Variants in SMCO4 observed in about 807,000 individuals in gnomAD.
The protein encoded by SMCO4 is single-pass membrane protein with coiled-coil domains 4.
In SMCO4, 4 loss-of-function variants were observed where a neutral mutation model predicts 3.6. The ratio of observed to expected loss-of-function variants is 1.11; its 90% CI spans 0.54 to 2.53. The LOEUF is 2.53. Among genes scored for constraint, SMCO4 ranks in the 30% most tolerant of loss-of-function variants. The probability of loss-of-function intolerance (pLI) is 0.02; values close to 1 mark genes in which losing one functional copy is unlikely to be tolerated. For synonymous variants in SMCO4, 36 were observed against 35.3 expected, an observed-to-expected ratio of 1.02 and a Z score of -0.07; for missense variants, 70 against 80.8, an observed-to-expected ratio of 0.87 and a Z score of 0.51.
intron 1 of SMCO4, among the ~76,000 whole-genome samples, chr11:93,520,328 A>G (rs12790221): frequency 0.12 from 18,178 of 152,216 alleles, 1,407 homozygotes; most frequent in Non-Finnish European, 0.17. Context: ...ACTCTTATTC[A>G]CTGAAGAGTT....
Position 93,479,113 on chromosome 11 carries a change from G to T in SMCO4, c.77C>A (p.Ala26Asp). 1 of 1,614,080 alleles carries T rather than the reference G, an allele frequency of 6.2e-7. No homozygotes were observed. The highest frequency in any genetic ancestry group is 8.5e-7 in the Non-Finnish European group (1 of 1,180,048). ...CACCACTGTAGTGATCTGCTGCCGGGCCTCCTGCATGGCTTGCTTCCGCTC... is the reference window on the plus strand; with the variant it reads ...CACCACTGTAGTGATCTGCTGCCGGTCCTCCTGCATGGCTTGCTTCCGCTC... ...KKERKQAMQE[A>D]RQQITTVVLP... Residue 26 changes from alanine (A) to aspartate (D), a missense_variant, in exon 3 of 3, where the codon GCC (alanine) becomes GAC (aspartate). Ala to Asp is a moderately radical substitution (Grantham distance 126). Transcript: ENST00000298966.
At chr11:93,488,417 AG>A (rs1338796657) in intron 2 of SMCO4, among the ~76,000 whole-genome samples, 1 of 152,250 alleles carries the variant, frequency 6.6e-6, no homozygotes, top group Non-Finnish European at 1.5e-5. Flanking sequence ...CAAGGAAATC[AG>A]TGAAGATGCT....
intron 1 of SMCO4, among the ~76,000 whole-genome samples, chr11:93,533,486 G>C (rs1472833298): frequency 6.6e-6 from 1 of 152,172 alleles, no homozygotes; most frequent in Non-Finnish European, 1.5e-5. Context: ...ACAGAGAGCT[G>C]GGCCTACTTG....
In SMCO4 at chr11:93,505,708, T is replaced by A. The variant is rs530647295; in HGVS notation, c.-153-6360A>T. Among the ~76,000 whole-genome samples the A allele has an allele frequency of 5.9e-5, 9 of 152,314 alleles. No homozygotes were observed. In the South Asian group the frequency reaches 1.9e-3, roughly 32 times the overall value. On this transcript the variant is annotated intron_variant, in intron 1 of 2. Transcript: ENST00000298966. Reference sequence around the variant, plus strand: ...TGAAAATCCTTCAATCAAAAATGTATTTGAGCATTCCCAAATCTAGCTGAC... The same window carrying A: ...TGAAAATCCTTCAATCAAAAATGTAATTGAGCATTCCCAAATCTAGCTGAC...
At chr11:93,535,950 A>T in intron 1 of SMCO4, 1 of 1,462,576 alleles carries the variant, frequency 6.8e-7, no homozygotes, top group East Asian at 2.3e-5. Context: ...TTTTGGAAAG[A>T]ATAGTTGCAG....
intron 1 of SMCO4, among the ~76,000 whole-genome samples, chr11:93,530,388 C>T (rs1949150811): frequency 6.6e-6 from 1 of 152,104 alleles, no homozygotes. Flanking sequence ...GAAAAGCATA[C>T]AGAAAGGAAA....
At chr11:93,538,432 A>G (rs1476876139) in intron 1 of SMCO4, among the ~76,000 whole-genome samples, 11 of 152,324 alleles carry the variant, frequency 7.2e-5, no homozygotes, top group Non-Finnish European at 1.5e-5. Flanking sequence ...TACCCCAGGA[A>G]GGCGTCTTCC....
intron 1 of SMCO4, among the ~76,000 whole-genome samples, chr11:93,517,270 G>A (rs1156302397): frequency 6.6e-6 from 1 of 152,068 alleles, no homozygotes; most frequent in African/African-American, 2.4e-5. Flanking sequence ...AAGGGAAGTG[G>A]GCAGGGGCTG....
At chr11:93,495,259 T>C (rs982031605) in intron 2 of SMCO4, among the ~76,000 whole-genome samples, 5 of 152,032 alleles carry the variant, frequency 3.3e-5, no homozygotes, top group African/African-American at 1.2e-4. Context: ...ACTATTAAAA[T>C]CACCTTTGCT....
At chr11:93,540,711 A>G (rs1207960859) in intron 1 of SMCO4, among the ~76,000 whole-genome samples, 5 of 152,150 alleles carry the variant, frequency 3.3e-5, no homozygotes, top group Non-Finnish European at 5.9e-5. Flanking sequence ...CCTACCTCAC[A>G]ATGCCTGCTC....
chr11:93,537,056 C>A (rs1231070630), intron 1 of SMCO4, among the ~76,000 whole-genome samples: 29 of 152,244 alleles, frequency 1.9e-4, no homozygotes, highest in Admixed American at 1.9e-3. Flanking sequence ...CTGCTCATCA[C>A]CAAAACTCAC....
intron 2 of SMCO4, among the ~76,000 whole-genome samples, chr11:93,493,923 T>C (rs1340005108): frequency 6.6e-6 from 1 of 152,198 alleles, no homozygotes; most frequent in African/African-American, 2.4e-5. Context: ...TGTCATTCTC[T>C]ACATCAGATT....
chr11:93,521,774 T>G (rs1235517093), intron 1 of SMCO4, among the ~76,000 whole-genome samples: 2 of 152,152 alleles, frequency 1.3e-5, no homozygotes, highest in Non-Finnish European at 2.9e-5. Context: ...AGCTAAGTAC[T>G]CAGTACTGGA....
chr11:93,531,661 A>G lies in SMCO4; in HGVS notation c.-154+11615T>C, dbSNP rs1949163651. On this transcript the variant is annotated intron_variant, in intron 1 of 2. Coordinates refer to ENST00000298966, the MANE Select transcript of SMCO4 (RefSeq NM_020179.3). The stretch of plus-strand genomic sequence containing the variant: ...GGTAACACTAATTAATATATTGTAC[A>G]CTTAAAAATGGTTAAGATGGTAAAT... Among the ~76,000 whole-genome samples the G allele has an allele frequency of 2.0e-5, 3 of 152,334 alleles. No individual in the cohort carries two copies. The South Asian group carries it at 6.2e-4, about 32-fold the overall frequency.
rs780202294 is a variant in SMCO4 at position 93,479,040 on chromosome 11, G to A, written c.150C>T (p.Tyr50=). ...VVVLLIVVFV[Y]VATRPTITE The stretch of plus-strand genomic sequence containing the variant: ...CGGTGATGGTGGGGCGCGTGGCCAC[G>A]TACACAAACACCACGATCAAGAGCA... Residue 50 remains tyrosine (Y), a synonymous_variant, in exon 3 of 3, where the codon TAC becomes TAT. Transcript: ENST00000298966. 6.8e-6 allele frequency: 11 copies of A among 1,612,288 alleles called. No individual in the cohort carries two copies. The highest frequency in any genetic ancestry group is 9.3e-6 in the Non-Finnish European group (11 of 1,179,390).
the SMCO4 span, among the ~76,000 whole-genome samples, chr11:93,549,865 G>T: frequency 6.6e-6 from 1 of 152,162 alleles, no homozygotes; most frequent in Non-Finnish European, 1.5e-5. Context: ...AGTATCAAGT[G>T]TTATAATAAA....
intron 2 of SMCO4, among the ~76,000 whole-genome samples, chr11:93,488,602 G>C (rs1218798376): frequency 6.6e-6 from 1 of 152,134 alleles, no homozygotes; most frequent in Non-Finnish European, 1.5e-5. Flanking sequence ...CTGGAAGAAT[G>C]GTGTTGCCAT....
chr11:93,483,141 C>T (rs1257409098), intron 2 of SMCO4, among the ~76,000 whole-genome samples: 1 of 152,082 alleles, frequency 6.6e-6, no homozygotes, highest in Non-Finnish European at 1.5e-5. Flanking sequence ...GGACTAAAGG[C>T]TTCTGTTTTT....
At chr11:93,528,024 C>T (rs1280227937) in intron 1 of SMCO4, among the ~76,000 whole-genome samples, 1 of 151,978 alleles carries the variant, frequency 6.6e-6, no homozygotes, top group Non-Finnish European at 1.5e-5. Flanking sequence ...CTTACATTGT[C>T]TGGCACATAC....
Sources: allele counts gnomAD v4.1 joint callset (sites outside exome capture counted in the v4.1 genomes callset), GRCh38; gene constraint gnomAD v4.1.1; transcripts MANE v1.5; gene names NCBI Gene and HGNC (gene_info 2026-07-23, HGNC 2026-07-21).